Variants in TTC12 observed in about 807,000 individuals in gnomAD.
TTC12 encodes tetratricopeptide repeat protein 12.
A neutral mutation model predicts 90.1 loss-of-function variants in TTC12; 70 were observed. That is an observed-to-expected ratio of 0.78 (90% CI 0.64 to 0.95). TTC12 has a LOEUF of 0.95. Among genes scored for constraint, TTC12 ranks in the 40% least tolerant of loss-of-function variants. TTC12 has a pLI of 0.00. For missense variants in TTC12, 819 were observed against 846.1 expected, an observed-to-expected ratio of 0.97 and a Z score of 0.40; for synonymous variants, 296 against 311.5, an observed-to-expected ratio of 0.95 and a Z score of 0.53.
At chr11:113,361,951 A>AT (rs200769656) in intron 18 of TTC12, among the ~76,000 whole-genome samples, 4 of 129,562 alleles carry the variant, frequency 3.1e-5, no homozygotes, top group South Asian at 4.7e-4. Flanking sequence ...CTTGGCATTT[A>AT]TTTAAAAAAA....
At chr11:113,371,405 GT>G (rs971933942) in intron 21 of TTC12, 105 of 152,032 alleles carry the variant, frequency 6.9e-4, no homozygotes, top group African/African-American at 2.4e-3. Flanking sequence ...TATTTTTATT[GT>G]TTTTTCCCCA....
At chr11:113,367,363 C>G (rs1312281561), downstream of TTC12, among the ~76,000 whole-genome samples, 3 of 152,176 alleles carry the variant, frequency 2.0e-5, no homozygotes, top group East Asian at 1.9e-4. Flanking sequence ...TAATACCTGC[C>G]CAACCTACCT....
At chr11:113,363,963 A>G in intron 20 of TTC12, 36 bp downstream of exon 20, 1 of 1,459,914 alleles carries the variant, frequency 6.8e-7, no homozygotes, top group South Asian at 1.2e-5. Context: ...CCCTTGTCCC[A>G]GAGGTTCATC....
intron 2 of TTC12, among the ~76,000 whole-genome samples, chr11:113,317,826 G>C (rs577223354): frequency 2.4e-4 from 37 of 151,956 alleles, no homozygotes; most frequent in African/African-American, 7.7e-4. Flanking sequence ...GCTAACTTAT[G>C]CATACTCAAA....
At chr11:113,334,369 G>T (rs1948228733) in intron 7 of TTC12, among the ~76,000 whole-genome samples, 1 of 151,976 alleles carries the variant, frequency 6.6e-6, no homozygotes, top group South Asian at 2.1e-4. Context: ...TTTTGAAGGG[G>T]GCATCCCTAC....
intron 13 of TTC12, among the ~76,000 whole-genome samples, chr11:113,344,772 G>T (rs1555147566): frequency 6.6e-6 from 1 of 152,170 alleles, no homozygotes; most frequent in Non-Finnish European, 1.5e-5. Context: ...TCTCTACCCT[G>T]TTCCTGCCAT....
Position 113,360,011 on chromosome 11 carries a change from A to G in TTC12, c.1614+3A>G. ...GCCAGGATGGAGGAATCCTGACAGT[A>G]AGTTTCTCCCAGGGAAATCCAGAAG... On this transcript the variant is annotated splice_donor_region_variant and intron_variant, in intron 18 of 21. Transcript: ENST00000529221. 6.3e-7 allele frequency: 1 copy of G among 1,586,868 alleles called. No homozygotes were observed. Among genetic ancestry groups the G allele is most frequent in the Non-Finnish European group, 8.6e-7 (1 of 1,165,454 alleles).
At chr11:113,351,171 G>C (rs1949267324) in intron 14 of TTC12, 68 bp from the exon 15 acceptor site, 4 of 1,436,482 alleles carry the variant, frequency 2.8e-6, no homozygotes, top group Non-Finnish European at 3.9e-6. Flanking sequence ...TTAACTATCT[G>C]AGACACTGTA....
At chr11:113,322,096 G>A (rs1471377049) in intron 2 of TTC12, among the ~76,000 whole-genome samples, 1 of 152,134 alleles carries the variant, frequency 6.6e-6, no homozygotes, top group Non-Finnish European at 1.5e-5. Context: ...AAATGGCATA[G>A]AAACAAAAAT....
intron 1 of TTC12, among the ~76,000 whole-genome samples, chr11:113,315,726 C>A (rs1946895331): frequency 1.3e-5 from 2 of 152,174 alleles, no homozygotes; most frequent in Non-Finnish European, 2.9e-5. Context: ...ATGTTCTAAT[C>A]CCTTCAGTCA....
chr11:113,322,205 G>T (rs1947380205), intron 2 of TTC12, among the ~76,000 whole-genome samples: 4 of 152,174 alleles, frequency 2.6e-5, no homozygotes, highest in Admixed American at 2.6e-4. Flanking sequence ...ACAGGAAAAT[G>T]AATTAAGAAG....
At position 113,350,108 on chromosome 11, in the gene TTC12, C is replaced by T. The variant is rs570061149; in HGVS notation, c.1190C>T (p.Ser397Leu). The T allele has an allele frequency of 4.3e-6, 7 of 1,613,898 alleles. No homozygotes were observed. Among genetic ancestry groups the T allele is most frequent in the East Asian group, 2.2e-5 (1 of 44,870 alleles). ...GCGCTGGTGTCATTTCTTGATTTCT[C>T]GGATAAGGAGGCCAACACTGCTATG... Reference protein sequence around the residue: ...LEALVSFLDFSDKEANTAMGL... With the variant: ...LEALVSFLDFLDKEANTAMGL... Residue 397 changes from serine (S) to leucine (L), a missense_variant, in exon 14 of 22, where the codon TCG becomes TTG. Transcript: ENST00000529221.
rs782724386 is a variant in TTC12 at position 113,324,025 on chromosome 11, G to T, written c.244+10G>T. The T allele has an allele frequency of 6.2e-7, 1 of 1,608,568 alleles. No individual in the cohort carries two copies. Among genetic ancestry groups the T allele is most frequent in the Non-Finnish European group, 8.5e-7 (1 of 1,175,536 alleles). On this transcript the variant is annotated intron_variant, in intron 4 of 21. Transcript: ENST00000529221. ...GAAGAAATAAACTCAGGTAAGGACA[G>T]CATCTCTCTTCCCAATTTTCATTCT...
rs527591656 is a variant in TTC12, at chr11:113,338,693, C to T, written c.577-81C>T. The T allele has an allele frequency of 2.8e-6, 3 of 1,088,658 alleles. 1 individual carries two copies. The South Asian group carries it at 4.2e-5, about 15-fold the overall frequency. The allele number at this position is 1,088,658 out of a possible 1,614,324, so 67.4% of individuals were successfully genotyped here. A position where few individuals can be genotyped will look rare whatever the true frequency, so the allele number is the denominator to read the frequency against. On this transcript the variant is annotated intron_variant, in intron 8 of 21. Coordinates refer to ENST00000529221, the MANE Select transcript of TTC12 (RefSeq NM_017868.4). ...AGGTGAGGAGAAAATAATGAAGCAGCCAAGCCCAATGACACCCAGTGTCTT... is the reference window on the plus strand; with the variant it reads ...AGGTGAGGAGAAAATAATGAAGCAGTCAAGCCCAATGACACCCAGTGTCTT...
Position 113,366,313 on chromosome 11 carries a change from T to A in TTC12, c.*13T>A. 1 of 1,613,128 alleles carries A rather than the reference T, an allele frequency of 6.2e-7. No homozygotes were observed. Among genetic ancestry groups the A allele is most frequent in the Non-Finnish European group, 8.5e-7 (1 of 1,180,016 alleles). ...CAGTGATTCTTGAGAGAGACAGGGT[T>A]TGTGTGCATTTGGGGAACACACAGA... On this transcript the variant is annotated 3_prime_UTR_variant, in exon 22 of 22. Transcript: ENST00000529221.
chr11:113,351,164 AC>A lies in TTC12; in HGVS notation c.1248-74del, dbSNP rs377345162. Reference sequence around the variant, plus strand: ...TATGGACCTAGAGTTTGCAACATTAACTATCTGAGACACTGTATTTATGTTA... The same window carrying A: ...TATGGACCTAGAGTTTGCAACATTAATATCTGAGACACTGTATTTATGTTA... On this transcript the variant is annotated intron_variant, in intron 14 of 21. Coordinates refer to ENST00000529221, the MANE Select transcript of TTC12 (RefSeq NM_017868.4). The A allele has an allele frequency of 1.0e-3, 1,396 of 1,390,658 alleles. 12 individuals carry two copies. In the African/African-American group the frequency reaches 0.017, roughly 17 times the overall value. 86.1% of individuals were successfully genotyped at this position (1,390,658 alleles called of 1,614,324 possible).
chr11:113,358,496 C>T (rs536315395), intron 16 of TTC12, among the ~76,000 whole-genome samples: 2 of 152,270 alleles, frequency 1.3e-5, no homozygotes, highest in East Asian at 3.9e-4. Context: ...GCTGGGGCCC[C>T]AGGAGAGGCC....
chr11:113,366,161 T>C (rs1352852348), intron 21 of TTC12, 64 bp from the exon 22 acceptor site: 4 of 1,578,916 alleles, frequency 2.5e-6, no homozygotes, highest in Non-Finnish European at 3.5e-6. Context: ...GGGTGTTGGC[T>C]CTGGGCTCCA....
intron 14 of TTC12, 27 bp downstream of exon 14, chr11:113,350,192 C>G (rs1555149640): frequency 1.3e-6 from 2 of 1,492,778 alleles, no homozygotes; most frequent in Non-Finnish European, 1.9e-6. Flanking sequence ...TAGAAATTGA[C>G]ATTTCTTCTT....
Sources: gnomAD v4.1 joint callset for allele counts (sites outside exome capture counted in the v4.1 genomes callset) on GRCh38, gnomAD v4.1.1 for gene constraint, MANE v1.5 for transcripts, NCBI Gene and HGNC (gene_info 2026-07-23, HGNC 2026-07-21) for gene names.